The following ATAD2 variants were observed in gnomAD, a reference collection of about 807,000 sequenced individuals.
ATAD2 encodes ATPase family AAA domain-containing protein 2.
A neutral mutation model predicts 168.9 loss-of-function variants in ATAD2; 62 were observed. That is an observed-to-expected ratio of 0.37 (90% CI 0.30 to 0.45). ATAD2 has a LOEUF of 0.45. Ranked by LOEUF, ATAD2 falls within the 20% of genes least tolerant of loss-of-function variation. ATAD2 has a pLI of 1.00. For missense variants in ATAD2, 1,419 were observed against 1,667.8 expected (o/e 0.85, Z 2.60); for synonymous variants, 613 against 571.6 (o/e 1.07, Z -1.03).
chr8:123,364,920 A>C (rs1828926758), intron 8 of ATAD2, among the ~76,000 whole-genome samples: 1 of 152,162 alleles, frequency 6.6e-6, no homozygotes, highest in South Asian at 2.1e-4. Context: ...TGGAAGTCCT[A>C]GCCACAGCAA....
At chr8:123,413,904 C>T (rs1395457990) in intron 1 of ATAD2, among the ~76,000 whole-genome samples, 4 of 151,496 alleles carry the variant, frequency 2.6e-5, no homozygotes, top group African/African-American at 4.9e-5. Flanking sequence ...AGTATGGCGG[C>T]GGGGAGGGTG....
At chr8:123,369,280 C>G (rs951697436) in intron 7 of ATAD2, 105 bp from the exon 8 acceptor site, 2 of 336,102 alleles carry the variant, frequency 6.0e-6, no homozygotes, top group Non-Finnish European at 9.4e-6. Flanking sequence ...TACAAAGGTG[C>G]TTATCGCCTT....
rs773066470 is a variant in ATAD2 at position 123,396,402 on chromosome 8, C to T, written c.-45G>A. On this transcript the variant is annotated 5_prime_UTR_variant, in exon 1 of 28. Coordinates refer to ENST00000287394, the MANE Select transcript of ATAD2 (RefSeq NM_014109.4). The stretch of plus-strand genomic sequence containing the variant: ...CGGCGTGCGCGACCGGAGAGAGATC[C>T]AGCTCCAGGCGCTCGCAGCTCTGGC... The T allele has an allele frequency of 1.1e-5, 17 of 1,490,304 alleles. 1 individual carries two copies. In the African/African-American group the frequency reaches 1.9e-4, roughly 16 times the overall value. The allele number at this position is 1,490,304 out of a possible 1,614,324, so 92.3% of individuals were successfully genotyped here.
upstream of ATAD2, chr8:123,396,452 C>G: frequency 7.6e-7 from 1 of 1,321,356 alleles, no homozygotes; most frequent in Non-Finnish European, 9.9e-7. Flanking sequence ...AATTCTGGCG[C>G]CACAAGCTCC....
chr8:123,336,345 C>A, intron 22 of ATAD2, 28 bp downstream of exon 22: 1 of 1,559,028 alleles, frequency 6.4e-7, no homozygotes, highest in Non-Finnish European at 8.6e-7. Context: ...CAACTCAACC[C>A]CCTGAAAAAA....
intron 9 of ATAD2, 122 bp downstream of exon 9, chr8:123,361,417 A>G: frequency 1.5e-6 from 1 of 661,668 alleles, no homozygotes; most frequent in Non-Finnish European, 2.7e-6. Flanking sequence ...TAGTTTATAC[A>G]TTAACCTGTT....
intron 13 of ATAD2, among the ~76,000 whole-genome samples, chr8:123,353,787 C>G (rs1330900899): frequency 6.6e-6 from 1 of 151,576 alleles, no homozygotes; most frequent in East Asian, 1.9e-4. Flanking sequence ...CAAAACAAAA[C>G]AAAAAACTCT....
In ATAD2 at chr8:123,320,563, G is replaced by A. The variant is rs1298156025; in HGVS notation, c.*571C>T. On this transcript the variant is annotated 3_prime_UTR_variant, in exon 28 of 28. Transcript: ENST00000287394. ...TAAAAATGTTTGTCTCAAAAACAATGACTGTGATACTCAAGTACAGAATTG... is the reference window on the plus strand; with the variant it reads ...TAAAAATGTTTGTCTCAAAAACAATAACTGTGATACTCAAGTACAGAATTG... The A allele has an allele frequency of 6.6e-6, 1 of 152,172 alleles. No homozygotes were observed. Among genetic ancestry groups the A allele is most frequent in the Non-Finnish European group, 1.5e-5 (1 of 68,042 alleles). The allele number at this position is 152,172 out of a possible 1,614,324, so 9.4% of individuals were successfully genotyped here. A position where few individuals can be genotyped will look rare whatever the true frequency, so the allele number is the denominator to read the frequency against.
In ATAD2 at chr8:123,328,243, C is replaced by G. The variant is rs776527575; in HGVS notation, c.3815G>C (p.Gly1272Ala). The G allele has an allele frequency of 6.7e-7, 1 of 1,500,810 alleles. No individual in the cohort carries two copies. The highest frequency in any genetic ancestry group is 8.9e-7 in the Non-Finnish European group (1 of 1,127,824). The allele number at this position is 1,500,810 out of a possible 1,614,324, so 93.0% of individuals were successfully genotyped here. Residue 1272 changes from glycine to alanine, a missense_variant, in exon 25 of 28, where the codon GGA (glycine) becomes GCA (alanine). By Grantham distance (60) the Gly-to-Ala change is moderately conservative (BLOSUM62 0). Transcript: ENST00000287394. ...TELRDKIACN[G>A]DASSSQIIHI... ...TATTATCTGAGAGCTAGAAGCATCTCCATTACAAGCAATCTTGTCTCTCAA... is the reference window on the plus strand; with the variant it reads ...TATTATCTGAGAGCTAGAAGCATCTGCATTACAAGCAATCTTGTCTCTCAA...
chr8:123,343,946 T>C (rs1211428682), intron 19 of ATAD2, among the ~76,000 whole-genome samples: 5 of 152,188 alleles, frequency 3.3e-5, no homozygotes, highest in Admixed American at 6.5e-5. Flanking sequence ...GCAGAAGCAG[T>C]ATGGCCTTTT....
Position 123,356,408 on chromosome 8 carries a change from T to G in ATAD2, c.1627A>C (p.Arg543=), listed in dbSNP as rs1241352451. ...TTTTACCTGTGAATCTGATCTTGCC[T>G]GCTTGACCGTACTGGAGCCAGACCA... ...IDGLAPVRSS[R]QDQIHSSIVS... The change falls in exon 13 of 28, where the codon AGG becomes CGG. Residue 543 remains arginine, a synonymous_variant. Transcript: ENST00000287394. The G allele has an allele frequency of 1.2e-6, 2 of 1,611,614 alleles. No homozygotes were observed. The highest frequency in any genetic ancestry group is 1.7e-6 in the Non-Finnish European group (2 of 1,178,592).
chr8:123,379,012 G>A (rs1452368105), intron 2 of ATAD2, among the ~76,000 whole-genome samples: 1 of 151,622 alleles, frequency 6.6e-6, no homozygotes, highest in Non-Finnish European at 1.5e-5. Flanking sequence ...TGCCCAGGCT[G>A]GTATCAAACT....
In ATAD2 at chr8:123,370,342, G is replaced by A. The variant is rs142510856; in HGVS notation, c.728-318C>T. The stretch of plus-strand genomic sequence containing the variant: ...CTTTCCATGAATTTCATTAATGTAG[G>A]TGACTAAACTTAAGCTTCCAAGTTA... On this transcript the variant is annotated intron_variant, in intron 6 of 27. Coordinates refer to ENST00000287394, the MANE Select transcript of ATAD2 (RefSeq NM_014109.4). Among the ~76,000 whole-genome samples the A allele has an allele frequency of 4.1e-3, 620 of 152,122 alleles. 6 individuals carry two copies. The highest frequency in any genetic ancestry group is 0.014 in the African/African-American group (594 of 41,544).
intron 17 of ATAD2, 47 bp downstream of exon 17, chr8:123,346,571 A>G: frequency 6.9e-7 from 1 of 1,450,134 alleles, no homozygotes; most frequent in African/African-American, 1.5e-5. Flanking sequence ...ATTTATTTTT[A>G]GAAAATTTAC....
At chr8:123,410,063 G>A (rs1813131687) in intron 1 of ATAD2, among the ~76,000 whole-genome samples, 1 of 151,106 alleles carries the variant, frequency 6.6e-6, no homozygotes, top group Non-Finnish European at 1.5e-5. Context: ...CCTTTTACAT[G>A]TCTGTGGCCT....
chr8:123,323,591 C>G (rs940067674), intron 26 of ATAD2, among the ~76,000 whole-genome samples: 2 of 151,950 alleles, frequency 1.3e-5, no homozygotes, highest in Non-Finnish European at 2.9e-5. Flanking sequence ...CTGGCCCTAC[C>G]AGAATATGCT....
chr8:123,366,784 T>C (rs1051194626), intron 8 of ATAD2, among the ~76,000 whole-genome samples: 1 of 151,870 alleles, frequency 6.6e-6, no homozygotes, highest in South Asian at 2.1e-4. Context: ...TTGTGTTCAA[T>C]GTATACTGCT....
chr8:123,392,954 G>A (rs1447145692), intron 1 of ATAD2, among the ~76,000 whole-genome samples: 1 of 152,260 alleles, frequency 6.6e-6, no homozygotes, highest in Middle Eastern at 3.4e-3. Context: ...GGAGGCCGAG[G>A]AGGGCGGATC....
rs749600904 is a variant in ATAD2 at position 123,371,315 on chromosome 8, T to G, written c.560A>C (p.Lys187Thr). The G allele has an allele frequency of 1.1e-5, 18 of 1,608,416 alleles. No individual in the cohort carries two copies. Among genetic ancestry groups the G allele is most frequent in the Non-Finnish European group, 1.4e-5 (16 of 1,177,888 alleles). ...ACGCATCTTCTTCATGTCATCCATT[T>G]TTTGAAGTACAGCTTCAGCAGTGCT... ...ITNTAEAVLQ[K>T]MDDMKKMRRQ... The change falls in exon 5 of 28, where the codon AAA becomes ACA. Residue 187 changes from lysine (K) to threonine (T), a missense_variant. Transcript: ENST00000287394.
Sources: allele counts gnomAD v4.1 joint callset (sites outside exome capture counted in the v4.1 genomes callset), GRCh38; gene constraint gnomAD v4.1.1; transcripts MANE v1.5; gene names NCBI Gene and HGNC (gene_info 2026-07-23, HGNC 2026-07-21).